The following SPAG16 variants were observed in gnomAD, a reference collection of about 807,000 sequenced individuals.
The protein encoded by SPAG16 is sperm associated antigen 16.
SPAG16 carries 86 observed loss-of-function variants against 80.4 expected under a neutral mutation model. The ratio of observed to expected loss-of-function variants is 1.07; its 90% confidence interval spans 0.90 to 1.28. The LOEUF is 1.28. Ranked by LOEUF, SPAG16 falls within the 50% of genes most tolerant of loss-of-function variation. The probability of loss-of-function intolerance (pLI) is 0.00; values close to 1 mark genes in which losing one functional copy is unlikely to be tolerated. For missense variants in SPAG16, 870 were observed against 765.3 expected, an observed-to-expected ratio of 1.14 and a Z score of -1.61; for synonymous variants, 294 against 265.9, an observed-to-expected ratio of 1.11 and a Z score of -1.03.
intron 5 of SPAG16, among the ~76,000 whole-genome samples, chr2:213,337,668 G>T (rs13394093): frequency 0.98 from 147,930 of 151,720 alleles, 72,227 homozygotes; most frequent in East Asian, 1. Context: ...CAGACAAGAG[G>T]AGAGAAAAAA....
At chr2:214,008,344 G>T (rs1040552946) in intron 12 of SPAG16, among the ~76,000 whole-genome samples, 2 of 151,872 alleles carry the variant, frequency 1.3e-5, no homozygotes, top group African/African-American at 4.8e-5. Flanking sequence ...GATTTCCAAT[G>T]TTTGATTCAG....
chr2:214,361,979 C>A (rs1699215856), intron 15 of SPAG16, among the ~76,000 whole-genome samples: 2 of 151,910 alleles, frequency 1.3e-5, no homozygotes, highest in Admixed American at 1.3e-4. Context: ...CTGAAGATAT[C>A]TCTGATAACT....
intron 15 of SPAG16, among the ~76,000 whole-genome samples, chr2:214,291,805 A>G (rs1399216140): frequency 6.6e-6 from 1 of 151,840 alleles, no homozygotes; most frequent in Admixed American, 6.6e-5. Flanking sequence ...GTAGTGGTAC[A>G]ATTTGGGTTG....
At chr2:214,058,067 G>A (rs1477027434) in intron 13 of SPAG16, among the ~76,000 whole-genome samples, 2 of 152,042 alleles carry the variant, frequency 1.3e-5, no homozygotes, top group Non-Finnish European at 2.9e-5. Flanking sequence ...ACAGCAATAA[G>A]GCTGTGTCAC....
rs749957411 is a variant in SPAG16, at chr2:213,976,135, T to TATATAC, written c.1401-37815_1401-37814insTATACA. Among the ~76,000 whole-genome samples the TATATAC allele has an allele frequency of 1.7e-3, 137 of 81,396 alleles. 2 individuals carry two copies. Among genetic ancestry groups the TATATAC allele is most frequent in the African/African-American group, 4.5e-3 (120 of 26,430 alleles). 53.4% of individuals were successfully genotyped at this position (81,396 alleles called of 152,430 possible). The stretch of plus-strand genomic sequence containing the variant: ...ATATATATATATATATATATATATA[T>TATATAC]ACACACACACACACACACACGTATG... On this transcript the variant is annotated intron_variant, in intron 12 of 15. Transcript: ENST00000331683.
intron 13 of SPAG16, among the ~76,000 whole-genome samples, chr2:214,085,559 T>C (rs1471783071): frequency 6.6e-6 from 1 of 152,154 alleles, no homozygotes; most frequent in Non-Finnish European, 1.5e-5. Flanking sequence ...TTCCCAAATA[T>C]AAAATCATCT....
chr2:213,346,307 T>G (rs2064986385), intron 6 of SPAG16, among the ~76,000 whole-genome samples: 1 of 152,200 alleles, frequency 6.6e-6, no homozygotes, highest in African/African-American at 2.4e-5. Flanking sequence ...TTTCTAGATA[T>G]ACAATCATGT....
At chr2:214,246,809 T>C (rs1479453879) in intron 15 of SPAG16, among the ~76,000 whole-genome samples, 1 of 152,198 alleles carries the variant, frequency 6.6e-6, no homozygotes, top group Non-Finnish European at 1.5e-5. Flanking sequence ...TAATGCAGTA[T>C]ACAGTATCAT....
intron 15 of SPAG16, among the ~76,000 whole-genome samples, chr2:214,396,256 GTTTAT>G (rs1451174249): frequency 6.6e-6 from 1 of 150,816 alleles, no homozygotes; most frequent in Non-Finnish European, 1.5e-5. Flanking sequence ...GCTTTTTGTT[GTTTAT>G]TTTAATAAAG....
chr2:214,208,275 C>T (rs2058200623), intron 15 of SPAG16, among the ~76,000 whole-genome samples: 1 of 152,124 alleles, frequency 6.6e-6, no homozygotes, highest in South Asian at 2.1e-4. Context: ...ACTGACTTCA[C>T]CTCTAGAGAA....
chr2:214,034,098 G>A (rs752432748), intron 13 of SPAG16, among the ~76,000 whole-genome samples: 7 of 152,106 alleles, frequency 4.6e-5, no homozygotes, highest in Non-Finnish European at 8.8e-5. Flanking sequence ...AATGTCTCCC[G>A]ATTTGTGTTT....
Position 214,217,933 on chromosome 2 carries a change from T to A in SPAG16, c.1720+68667T>A, listed in dbSNP as rs1191336016. Among the ~76,000 whole-genome samples the A allele has an allele frequency of 2.6e-5, 4 of 152,206 alleles. No individual in the cohort carries two copies. In the East Asian group the frequency reaches 5.8e-4, roughly 22 times the overall value. On this transcript the variant is annotated intron_variant, in intron 15 of 15. Coordinates refer to ENST00000331683, the MANE Select transcript of SPAG16 (RefSeq NM_024532.5). ...ACCCTTTTTATACTCTTAAAAATGT[T>A]ACTGAGGACTCCAAAGACCTTTGCT...
At chr2:213,962,192 T>A (rs1299197698) in intron 12 of SPAG16, among the ~76,000 whole-genome samples, 2 of 151,536 alleles carry the variant, frequency 1.3e-5, no homozygotes, top group Non-Finnish European at 2.9e-5. Flanking sequence ...GTATCCTTTT[T>A]TTATGTTTTT....
intron 9 of SPAG16, among the ~76,000 whole-genome samples, chr2:213,389,013 T>C (rs2067597705): frequency 6.6e-6 from 1 of 152,136 alleles, no homozygotes; most frequent in Non-Finnish European, 1.5e-5. Context: ...TTCTTATTTC[T>C]AAACTACTGC....
At position 214,004,656 on chromosome 2, in the gene SPAG16, T is replaced by C. The variant is rs531407668; in HGVS notation, c.1401-9295T>C. Among the ~76,000 whole-genome samples the C allele has an allele frequency of 8.6e-5, 13 of 151,834 alleles. No individual in the cohort carries two copies. In the East Asian group the frequency reaches 2.5e-3, roughly 30 times the overall value. ...GCTTATCATCAGGTGTGGGCTGGAGTAGTCAATTCTTTTGGCAGCCATGAG... is the reference window on the plus strand; with the variant it reads ...GCTTATCATCAGGTGTGGGCTGGAGCAGTCAATTCTTTTGGCAGCCATGAG... On this transcript the variant is annotated intron_variant, in intron 12 of 15. Transcript: ENST00000331683.
At chr2:213,728,931 A>C (rs2066906957) in intron 10 of SPAG16, among the ~76,000 whole-genome samples, 1 of 145,508 alleles carries the variant, frequency 6.9e-6, no homozygotes. Flanking sequence ...AGATGATGGA[A>C]TGATGGCAGC....
rs535562872 is a variant in SPAG16, at chr2:213,580,180, G to A, written c.1070+90090G>A. Among the ~76,000 whole-genome samples the A allele has an allele frequency of 3.9e-5, 6 of 152,044 alleles. No homozygotes were observed. The South Asian group carries it at 1.2e-3, about 32-fold the overall frequency. ...GAATATCCTTATCCCTGAAATGCAGGAGACAAAGAAGAATCTACACAAACA... is the reference window on the plus strand; with the variant it reads ...GAATATCCTTATCCCTGAAATGCAGAAGACAAAGAAGAATCTACACAAACA... On this transcript the variant is annotated intron_variant, in intron 10 of 15. Transcript: ENST00000331683.
chr2:213,982,668 T>C (rs529402866), intron 12 of SPAG16, among the ~76,000 whole-genome samples: 223 of 149,194 alleles, frequency 1.5e-3, no homozygotes, highest in African/African-American at 5.4e-3. Context: ...AGTGGTGGTG[T>C]CTATGACATA....
At chr2:213,703,207 T>C (rs2065575917) in intron 10 of SPAG16, among the ~76,000 whole-genome samples, 1 of 151,710 alleles carries the variant, frequency 6.6e-6, no homozygotes, top group Non-Finnish European at 1.5e-5. Context: ...TAAACCTGAG[T>C]GTTATAGGTC....
Sources: gnomAD v4.1 joint callset for allele counts (sites outside exome capture counted in the v4.1 genomes callset) on GRCh38, gnomAD v4.1.1 for gene constraint, MANE v1.5 for transcripts, NCBI Gene and HGNC (gene_info 2026-07-23, HGNC 2026-07-21) for gene names.